GRIK1: variants seen among roughly 807,000 people sequenced by gnomAD.
GRIK1 encodes glutamate ionotropic receptor kainate type subunit 1.
Under a neutral mutation model 105.7 loss-of-function variants are expected in GRIK1, and 69 were observed. The observed-to-expected ratio is 0.65, with a 90% CI of 0.54 to 0.80. The LOEUF (loss-of-function observed/expected upper bound fraction) is 0.80. GRIK1 is among the 30% of genes least tolerant of loss of function. The probability of loss-of-function intolerance (pLI) is 0.00; values close to 1 mark genes in which losing one functional copy is unlikely to be tolerated. For missense variants in GRIK1, 1,109 were observed against 1,167.3 expected, an observed-to-expected ratio of 0.95 and a Z score of 0.73; for synonymous variants, 438 against 431.3, an observed-to-expected ratio of 1.02 and a Z score of -0.19.
At chr21:29,611,134 T>C (rs573504693) in intron 7 of GRIK1, among the ~76,000 whole-genome samples, 18 of 152,338 alleles carry the variant, frequency 1.2e-4, no homozygotes, top group Admixed American at 3.3e-4. Flanking sequence ...CATGGGATCA[T>C]TGCCTAACAG....
Position 29,937,282 on chromosome 21 carries a change from G to A in GRIK1, c.118+2101C>T, listed in dbSNP as rs8127959. 2.7e-3 allele frequency among the ~76,000 whole-genome samples: 410 copies of A among 152,242 alleles called. 2 individuals are homozygous for A. Among genetic ancestry groups the A allele is most frequent in the African/African-American group, 9.2e-3 (382 of 41,548 alleles). On this transcript the variant is annotated intron_variant, in intron 1 of 17. Transcript: ENST00000327783. ...CGTGCATTGGTCCTTAGGTGCATAC[G>A]GGGCAACAGTGCTCATGTCAGCCAC...
intron 7 of GRIK1, among the ~76,000 whole-genome samples, chr21:29,636,178 A>G (rs899124224): frequency 7.2e-5 from 11 of 152,218 alleles, no homozygotes; most frequent in African/African-American, 2.7e-4. Flanking sequence ...TCATGTCACT[A>G]GTCTTCCAGA....
At position 29,709,515 on chromosome 21, in the gene GRIK1, A is replaced by G. The variant is rs191909703; in HGVS notation, c.119-15452T>C. Among the ~76,000 whole-genome samples the G allele has an allele frequency of 3.2e-3, 483 of 152,108 alleles. 8 individuals carry two copies. Among genetic ancestry groups the G allele is most frequent in the Non-Finnish European group, 6.6e-4 (45 of 67,974 alleles). On this transcript the variant is annotated intron_variant, in intron 1 of 17. Coordinates refer to ENST00000327783, the MANE Select transcript of GRIK1 (RefSeq NM_001330994.2). ...AGGCTGGTCTCGAACTCCTGACCTC[A>G]GGTAATCTTGAAAAGATTTGCTTAT...
chr21:29,817,019 C>T (rs2067172265), intron 1 of GRIK1, among the ~76,000 whole-genome samples: 1 of 152,080 alleles, frequency 6.6e-6, no homozygotes, highest in Non-Finnish European at 1.5e-5. Flanking sequence ...GTATTGCATG[C>T]ATGCATCAAA....
intron 1 of GRIK1, among the ~76,000 whole-genome samples, chr21:29,740,844 G>T (rs2064909128): frequency 6.6e-6 from 1 of 152,220 alleles, no homozygotes; most frequent in Admixed American, 6.5e-5. Flanking sequence ...CGACTCAGGG[G>T]GTTGAGAGGT....
intron 7 of GRIK1, among the ~76,000 whole-genome samples, chr21:29,614,435 C>T (rs1008360493): frequency 1.2e-4 from 10 of 84,208 alleles, no homozygotes; most frequent in South Asian, 4.3e-4. Flanking sequence ...TTTTTTGGGA[C>T]GGAGTTTCGC....
At position 29,675,371 on chromosome 21, in the gene GRIK1, AT is replaced by A. The variant is rs148045010; in HGVS notation, c.545-2208del. Among the ~76,000 whole-genome samples, 722 of 148,564 alleles carry A rather than the reference AT, an allele frequency of 4.9e-3. 3 individuals carry two copies. Among genetic ancestry groups the A allele is most frequent in the Admixed American group, 0.011 (163 of 14,878 alleles). ...ACCCACCTGCTTTGCAATCACATAG[AT>A]TTTTTTTTTTCATGACCATGACCAC... is the stretch of plus-strand genomic sequence containing the variant. On this transcript the variant is annotated intron_variant, in intron 3 of 17. Coordinates refer to ENST00000327783, the MANE Select transcript of GRIK1 (RefSeq NM_001330994.2).
intron 1 of GRIK1, among the ~76,000 whole-genome samples, chr21:29,734,684 C>T (rs941942228): frequency 2.0e-5 from 3 of 152,140 alleles, no homozygotes; most frequent in African/African-American, 7.2e-5. Flanking sequence ...CAGGCATGAG[C>T]CACTGAGCCC....
intron 1 of GRIK1, among the ~76,000 whole-genome samples, chr21:29,826,340 C>T (rs529776380): frequency 3.3e-5 from 5 of 152,176 alleles, no homozygotes; most frequent in South Asian, 4.1e-4. Context: ...GGCCTCAGTG[C>T]CCAGATATGT....
intron 1 of GRIK1, among the ~76,000 whole-genome samples, chr21:29,788,964 G>A (rs1476291780): frequency 1.3e-5 from 2 of 152,204 alleles, no homozygotes; most frequent in African/African-American, 2.4e-5. Flanking sequence ...CCCTGCTGGT[G>A]TGTGGCCCAG....
intron 1 of GRIK1, among the ~76,000 whole-genome samples, chr21:29,883,176 A>G (rs902967449): frequency 2.0e-5 from 3 of 152,136 alleles, no homozygotes; most frequent in Admixed American, 2.0e-4. Context: ...TGGTTTTCAG[A>G]TATCGGGAAG....
intron 16 of GRIK1, chr21:29,553,721 A>T (rs2090179993): frequency 3.3e-6 from 5 of 1,508,510 alleles, no homozygotes; most frequent in Admixed American, 2.2e-5. Context: ...TGCAAAAGAA[A>T]TGAGAAAAAA....
intron 1 of GRIK1, among the ~76,000 whole-genome samples, chr21:29,774,797 C>T (rs2065901068): frequency 6.6e-6 from 1 of 152,114 alleles, no homozygotes; most frequent in Non-Finnish European, 1.5e-5. Context: ...TCTGATCTGG[C>T]TGGCTTTATG....
At chr21:29,914,044 C>A (rs2070910303) in intron 1 of GRIK1, among the ~76,000 whole-genome samples, 1 of 151,984 alleles carries the variant, frequency 6.6e-6, no homozygotes, top group Admixed American at 6.6e-5. Flanking sequence ...TTTTCACAAT[C>A]TTGGCTATTG....
intron 1 of GRIK1, among the ~76,000 whole-genome samples, chr21:29,859,264 T>C (rs1399379204): frequency 2.0e-5 from 3 of 151,470 alleles, no homozygotes; most frequent in Admixed American, 1.3e-4. Context: ...CTAATGTAAA[T>C]GACGAATTAA....
intron 1 of GRIK1, among the ~76,000 whole-genome samples, chr21:29,711,442 A>G (rs766617213): frequency 6.6e-6 from 1 of 152,100 alleles, no homozygotes; most frequent in South Asian, 2.1e-4. Context: ...TTTCCAGAAT[A>G]TAGACATGAC....
intron 1 of GRIK1, among the ~76,000 whole-genome samples, chr21:29,934,740 C>T (rs2243435): frequency 0.68 from 103,906 of 151,986 alleles, 35,736 homozygotes; most frequent in East Asian, 0.83. Context: ...ACTGAACTTA[C>T]GCAAAGTCAC....
At chr21:29,853,241 G>T (rs73343755) in intron 1 of GRIK1, among the ~76,000 whole-genome samples, 1 of 152,166 alleles carries the variant, frequency 6.6e-6, no homozygotes, top group East Asian at 1.9e-4. Flanking sequence ...TGAAAGAAAA[G>T]TCTTAACATT....
chr21:29,711,344 G>T (rs1477942770), intron 1 of GRIK1, among the ~76,000 whole-genome samples: 2 of 152,168 alleles, frequency 1.3e-5, no homozygotes, highest in Non-Finnish European at 2.9e-5. Flanking sequence ...GCACAGGTTT[G>T]CAGCCTAGGA....
Sources: allele counts gnomAD v4.1 joint callset (sites outside exome capture counted in the v4.1 genomes callset), GRCh38; gene constraint gnomAD v4.1.1; transcripts MANE v1.5; gene names NCBI Gene and HGNC (gene_info 2026-07-23, HGNC 2026-07-21).